Variants in IFNAR2 observed in about 807,000 individuals in gnomAD.
The protein encoded by IFNAR2 is interferon alpha/beta receptor 2.
A neutral mutation model predicts 49.4 loss-of-function variants in IFNAR2; 30 were observed. That is an observed-to-expected ratio of 0.61 (90% CI 0.45 to 0.82). IFNAR2 has a LOEUF of 0.82. Ranked by LOEUF, IFNAR2 falls within the 40% of genes least tolerant of loss-of-function variation. The pLI, the probability that IFNAR2 is intolerant of heterozygous loss-of-function variation, is 0.00. For missense variants in IFNAR2, 600 were observed against 622.7 expected, an observed-to-expected ratio of 0.96 and a Z score of 0.39; for synonymous variants, 224 against 234.5, an observed-to-expected ratio of 0.96 and a Z score of 0.41.
intron 1 of IFNAR2, among the ~76,000 whole-genome samples, chr21:33,231,273 T>C (rs950566963): frequency 6.6e-6 from 1 of 152,200 alleles, no homozygotes; most frequent in African/African-American, 2.4e-5. Flanking sequence ...AAGGAAAATA[T>C]TCGATAAACA....
intron 7 of IFNAR2, among the ~76,000 whole-genome samples, chr21:33,253,235 G>A (rs1209005445): frequency 6.6e-6 from 1 of 152,166 alleles, no homozygotes; most frequent in Non-Finnish European, 1.5e-5. Context: ...TGCAGTTCAT[G>A]GATGTGATCT....
At chr21:33,252,932 A>G (rs1987962696) in intron 7 of IFNAR2, 102 bp downstream of exon 7, 4 of 972,808 alleles carry the variant, frequency 4.1e-6, no homozygotes, top group African/African-American at 1.6e-5. Flanking sequence ...ATGGAGCACT[A>G]AAGGTCTTTC....
intron 6 of IFNAR2, chr21:33,251,620 G>C: frequency 1.0e-6 from 1 of 985,392 alleles, no homozygotes. Flanking sequence ...CATCATTACT[G>C]AAGGCTGTAT....
At chr21:33,248,660 A>G in intron 5 of IFNAR2, 49 bp from the exon 6 acceptor site, 1 of 1,525,254 alleles carries the variant, frequency 6.6e-7, no homozygotes, top group Non-Finnish European at 8.8e-7. Flanking sequence ...TTTGTGGGCC[A>G]CATATGGTCT....
At chr21:33,254,240 A>G (rs1988060290) in intron 7 of IFNAR2, among the ~76,000 whole-genome samples, 1 of 152,200 alleles carries the variant, frequency 6.6e-6, no homozygotes, top group South Asian at 2.1e-4. Flanking sequence ...AGTGGTCCAG[A>G]CGTGCCTCAC....
intron 4 of IFNAR2, 125 bp downstream of exon 4, chr21:33,245,199 C>T (rs566925306): frequency 8.6e-5 from 60 of 701,004 alleles, no homozygotes; most frequent in South Asian, 2.4e-4. Flanking sequence ...CTTCTCTCTG[C>T]GTTTCTTATT....
At chr21:33,231,054 A>AAT (rs1349015159) in intron 1 of IFNAR2, among the ~76,000 whole-genome samples, 3 of 152,016 alleles carry the variant, frequency 2.0e-5, no homozygotes, top group Non-Finnish European at 4.4e-5. Context: ...CTTAGAAACG[A>AAT]ATATAGCATG....
chr21:33,239,641 T>G (rs1194196637), intron 1 of IFNAR2, among the ~76,000 whole-genome samples: 2 of 149,618 alleles, frequency 1.3e-5, no homozygotes, highest in African/African-American at 2.5e-5. Context: ...CTCAATGTTG[T>G]GAGCTACAGC....
At chr21:33,247,794 A>G (rs534617421) in intron 5 of IFNAR2, among the ~76,000 whole-genome samples, 1 of 152,336 alleles carries the variant, frequency 6.6e-6, no homozygotes, top group South Asian at 2.1e-4. Context: ...CAAGAGAACC[A>G]TCTGGTCTCA....
intron 1 of IFNAR2, among the ~76,000 whole-genome samples, chr21:33,233,445 A>G (rs762558899): frequency 2.6e-5 from 4 of 152,234 alleles, no homozygotes; most frequent in South Asian, 2.1e-4. Flanking sequence ...GGAACATGCC[A>G]TGTTCCAGAA....
At chr21:33,243,447 C>T (rs991486930) in intron 2 of IFNAR2, among the ~76,000 whole-genome samples, 1 of 152,154 alleles carries the variant, frequency 6.6e-6, no homozygotes, top group Non-Finnish European at 1.5e-5. Flanking sequence ...TTGTTAGTGT[C>T]AGCTCCCAAA....
Position 33,230,137 on chromosome 21 carries a change from G to A in IFNAR2, c.-163G>A, listed in dbSNP as rs775039110. Reference sequence around the variant, plus strand: ...CGCCCGCGAGGCGCATCCTGACCGCGAGCGTCGGGTCCCAGAGCCGGGCGC... The same window carrying A: ...CGCCCGCGAGGCGCATCCTGACCGCAAGCGTCGGGTCCCAGAGCCGGGCGC... On this transcript the variant is annotated 5_prime_UTR_variant, in exon 1 of 9. Transcript: ENST00000342136. This position sits in a 1 kb window ranked among gnomAD's most constrained non-coding sequence, Gnocchi z 5.5. 3 of 992,246 alleles carry A rather than the reference G, an allele frequency of 3.0e-6. No individual in the cohort carries two copies. The highest frequency in any genetic ancestry group is 1.7e-5 in the African/African-American group (1 of 57,242). The allele number at this position is 992,246 out of a possible 1,614,324, so 61.5% of individuals were successfully genotyped here.
intron 7 of IFNAR2, among the ~76,000 whole-genome samples, chr21:33,260,105 G>A (rs1988463797): frequency 6.6e-6 from 1 of 152,226 alleles, no homozygotes; most frequent in African/African-American, 2.4e-5. Flanking sequence ...TGTTAATAGA[G>A]CAAGGCAGGT....
chr21:33,237,983 A>G (rs1401258906), intron 1 of IFNAR2, among the ~76,000 whole-genome samples: 1 of 152,182 alleles, frequency 6.6e-6, no homozygotes, highest in Non-Finnish European at 1.5e-5. Context: ...ATACAAACAA[A>G]AAGAAGAAGC....
chr21:33,261,519 C>T (rs751362165), intron 8 of IFNAR2, among the ~76,000 whole-genome samples: 5 of 151,980 alleles, frequency 3.3e-5, no homozygotes, highest in Non-Finnish European at 7.4e-5. Context: ...TTATATGGAT[C>T]GTCTTTTTGT....
At chr21:33,246,938 T>G (rs1487304634) in intron 5 of IFNAR2, 48 bp downstream of exon 5, 2 of 1,512,952 alleles carry the variant, frequency 1.3e-6, no homozygotes, top group Admixed American at 1.8e-5. Flanking sequence ...ATCAAGATCT[T>G]TATTATTTGC....
chr21:33,260,279 G>A (rs545271346), intron 7 of IFNAR2, among the ~76,000 whole-genome samples: 10 of 152,312 alleles, frequency 6.6e-5, no homozygotes, highest in African/African-American at 2.4e-4. Flanking sequence ...ATGTGACTGA[G>A]AGACCGAGCT....
intron 7 of IFNAR2, among the ~76,000 whole-genome samples, chr21:33,258,086 C>T (rs1009838638): frequency 1.1e-4 from 16 of 152,130 alleles, no homozygotes; most frequent in African/African-American, 2.2e-4. Context: ...AGGTGAATCA[C>T]CTGAGGTCAG....
In IFNAR2 at chr21:33,251,682, A is replaced by T. The variant is rs939301785; in HGVS notation, c.541-980A>T. 4.1e-6 allele frequency: 4 copies of T among 984,966 alleles called. No homozygotes were observed. In the African/African-American group the frequency reaches 7.0e-5, roughly 17 times the overall value. 61.0% of individuals were successfully genotyped at this position (984,966 alleles called of 1,614,324 possible). A position where few individuals can be genotyped will look rare whatever the true frequency, so the allele number is the denominator to read the frequency against. ...TAAACTGCTAGTAAGAATGTATTTT[A>T]AAAACTGTAAAACATGATACAAAAG... On this transcript the variant is annotated intron_variant, in intron 6 of 8. Coordinates refer to ENST00000342136, the MANE Select transcript of IFNAR2 (RefSeq NM_001289125.3).
Sources: gnomAD v4.1 joint callset for allele counts (sites outside exome capture counted in the v4.1 genomes callset) on GRCh38, gnomAD v4.1.1 for gene constraint, Gnocchi (gnomAD v3.1) non-coding constraint, MANE v1.5 for transcripts, NCBI Gene and HGNC (gene_info 2026-07-23, HGNC 2026-07-21) for gene names.